WWOX: variants seen among roughly 807,000 people sequenced by gnomAD.
The protein encoded by WWOX is WW domain-containing oxidoreductase.
WWOX carries 69 observed loss-of-function variants against 46.2 expected under a neutral mutation model. The ratio of observed to expected loss-of-function variants is 1.49; its 90% CI spans 1.23 to 1.82. The LOEUF (loss-of-function observed/expected upper bound fraction) is 1.82, where lower values mean the gene tolerates loss of function less well. Among genes scored for constraint, WWOX ranks in the 40% most tolerant of loss-of-function variants. The pLI, the probability that WWOX is intolerant of heterozygous loss-of-function variation, is 0.00. For synonymous variants in WWOX, 359 were observed against 202.6 expected, an observed-to-expected ratio of 1.77 and a Z score of -6.56; for missense variants, 919 against 542.6, an observed-to-expected ratio of 1.69 and a Z score of -6.89.
At chr16:79,083,999 G>A (rs1041648447) in intron 8 of WWOX, among the ~76,000 whole-genome samples, 1 of 152,148 alleles carries the variant, frequency 6.6e-6, no homozygotes, top group Non-Finnish European at 1.5e-5. Flanking sequence ...TTTCTGTGGG[G>A]GCTGTTTTGG....
At chr16:78,314,576 G>C (rs1160751285) in intron 5 of WWOX, among the ~76,000 whole-genome samples, 1 of 146,636 alleles carries the variant, frequency 6.8e-6, no homozygotes, top group Admixed American at 6.8e-5. Flanking sequence ...CCAGGCTGGA[G>C]TGTAATGGCG....
chr16:78,853,289 C>T (rs1395413087), intron 8 of WWOX, among the ~76,000 whole-genome samples: 2 of 152,024 alleles, frequency 1.3e-5, no homozygotes, highest in East Asian at 1.9e-4. Context: ...GGCGTGATCT[C>T]GGCTCACTGC....
At chr16:79,025,369 T>G (rs2047617098) in intron 8 of WWOX, among the ~76,000 whole-genome samples, 1 of 152,216 alleles carries the variant, frequency 6.6e-6, no homozygotes, top group South Asian at 2.1e-4. Flanking sequence ...AAAGGGTCTT[T>G]GCAGATAAGT....
intron 8 of WWOX, among the ~76,000 whole-genome samples, chr16:78,926,370 CA>C (rs57956185): frequency 0.67 from 93,795 of 139,200 alleles, 34,283 homozygotes; most frequent in East Asian, 0.91. Context: ...GACCCTATCT[CA>C]AAAAAAAAAA....
chr16:78,467,151 T>C (rs1384394328), intron 8 of WWOX, among the ~76,000 whole-genome samples: 3 of 152,188 alleles, frequency 2.0e-5, no homozygotes, highest in African/African-American at 7.2e-5. Flanking sequence ...AAGCCAAAGA[T>C]TCCATTTTCC....
chr16:78,289,070 C>T (rs2079817863), intron 5 of WWOX, among the ~76,000 whole-genome samples: 1 of 152,146 alleles, frequency 6.6e-6, no homozygotes, highest in African/African-American at 2.4e-5. Flanking sequence ...GTCAGGGTGC[C>T]AGGCTGAAAT....
intron 8 of WWOX, among the ~76,000 whole-genome samples, chr16:78,867,050 G>C (rs2044019223): frequency 6.6e-6 from 1 of 152,216 alleles, no homozygotes; most frequent in Non-Finnish European, 1.5e-5. Flanking sequence ...TGTGGAAGGA[G>C]AAGGCTTGAG....
chr16:78,415,566 A>G (rs1446150148), intron 6 of WWOX, among the ~76,000 whole-genome samples: 1 of 152,154 alleles, frequency 6.6e-6, no homozygotes, highest in Non-Finnish European at 1.5e-5. Context: ...AACCTCTGAG[A>G]CTAAGGACAA....
chr16:78,863,352 C>T (rs1012805563), intron 8 of WWOX, among the ~76,000 whole-genome samples: 2 of 152,216 alleles, frequency 1.3e-5, no homozygotes, highest in African/African-American at 4.8e-5. Context: ...TCAAAAATCT[C>T]TAGGCCAAGT....
At chr16:78,887,302 A>G (rs112433292) in intron 8 of WWOX, among the ~76,000 whole-genome samples, 2 of 151,960 alleles carry the variant, frequency 1.3e-5, no homozygotes, top group African/African-American at 2.4e-5. Context: ...CTGACTCTCT[A>G]TGCAGCCCAA....
chr16:78,756,883 G>A (rs1001688953), intron 8 of WWOX: 14 of 702,798 alleles, frequency 2.0e-5, no homozygotes, highest in African/African-American at 1.7e-4. Context: ...GACTTACGAG[G>A]CTAGACCATA....
intron 8 of WWOX, among the ~76,000 whole-genome samples, chr16:78,967,550 C>G (rs537156021): frequency 1.3e-5 from 2 of 150,304 alleles, no homozygotes; most frequent in African/African-American, 4.9e-5. Context: ...GGTGATCCAC[C>G]CATCTTGGCC....
At chr16:78,639,927 A>G (rs965431885) in intron 8 of WWOX, among the ~76,000 whole-genome samples, 2 of 152,148 alleles carry the variant, frequency 1.3e-5, no homozygotes, top group Non-Finnish European at 2.9e-5. Flanking sequence ...TCTAATGTCA[A>G]CTGTGGAGGG....
chr16:78,899,505 T>C (rs1186743338), intron 8 of WWOX: 1 of 152,130 alleles, frequency 6.6e-6, no homozygotes, highest in Admixed American at 6.5e-5. Flanking sequence ...TCTCCATAAA[T>C]GTTAGTTATT....
chr16:78,745,889 G>C (rs946516840), intron 8 of WWOX, among the ~76,000 whole-genome samples: 1 of 152,004 alleles, frequency 6.6e-6, no homozygotes, highest in Admixed American at 6.6e-5. Flanking sequence ...TTTAATACTA[G>C]GAACGTGTGC....
At chr16:79,049,158 C>T (rs1355157098) in intron 8 of WWOX, among the ~76,000 whole-genome samples, 1 of 152,182 alleles carries the variant, frequency 6.6e-6, no homozygotes, top group African/African-American at 2.4e-5. Context: ...ATACAGTCAC[C>T]ATCACAACTA....
At chr16:78,690,899 A>G (rs760385432) in intron 8 of WWOX, among the ~76,000 whole-genome samples, 5 of 152,116 alleles carry the variant, frequency 3.3e-5, no homozygotes, top group Non-Finnish European at 5.9e-5. Context: ...GGGGTTTTCA[A>G]ATATTGCAGG....
intron 5 of WWOX, among the ~76,000 whole-genome samples, chr16:78,318,158 G>C (rs1014120902): frequency 3.3e-5 from 5 of 152,042 alleles, no homozygotes; most frequent in African/African-American, 4.8e-5. Flanking sequence ...TTCAGAGTTA[G>C]AGGGTGACAT....
chr16:78,267,570 A>G (rs955999092), intron 5 of WWOX, among the ~76,000 whole-genome samples: 1 of 152,218 alleles, frequency 6.6e-6, no homozygotes, highest in Non-Finnish European at 1.5e-5. Flanking sequence ...CTCGAGGGGA[A>G]TGAGCCCCTG....
Sources: allele counts gnomAD v4.1 joint callset (sites outside exome capture counted in the v4.1 genomes callset), GRCh38; gene constraint gnomAD v4.1.1; transcripts MANE v1.5; gene names NCBI Gene and HGNC (gene_info 2026-07-23, HGNC 2026-07-21).